Variants in ZMIZ1 observed in about 807,000 individuals in gnomAD.
The protein encoded by ZMIZ1 is zinc finger MIZ-type containing 1.
In ZMIZ1, 17 loss-of-function variants were observed where a neutral mutation model predicts 113.9. That is an observed-to-expected ratio of 0.15 (90% CI 0.10 to 0.22). The LOEUF (loss-of-function observed/expected upper bound fraction) is 0.22. Among genes scored for constraint, ZMIZ1 ranks in the 10% least tolerant of loss-of-function variants. ZMIZ1 has a pLI of 1.00. For synonymous variants in ZMIZ1, 607 were observed against 603.1 expected (o/e 1.01, Z -0.09); for missense variants, 1,059 against 1,477.8 (o/e 0.72, Z 4.65).
chr10:79,197,611 T>TACACACACACACACACACACACAC lies in ZMIZ1; in HGVS notation c.-49-3964_-49-3941dup, dbSNP rs71482719. Among the ~76,000 whole-genome samples, 5 of 89,984 alleles carry TACACACACACACACACACACACAC rather than the reference T, an allele frequency of 5.6e-5. No individual in the cohort carries two copies. In the East Asian group the frequency reaches 8.5e-4, roughly 15 times the overall value. 59.0% of individuals were successfully genotyped at this position (89,984 alleles called of 152,430 possible). Reference sequence around the variant, plus strand: ...CCCAGACCATACACACACACACACATACACACACACACACACACACACACA... The same window carrying TACACACACACACACACACACACAC: ...CCCAGACCATACACACACACACACATACACACACACACACACACACACACACACACACACACACACACACACACA... On this transcript the variant is annotated intron_variant, in intron 4 of 24. Transcript: ENST00000334512.
intron 4 of ZMIZ1, among the ~76,000 whole-genome samples, chr10:79,181,623 G>A (rs1847125761): frequency 6.6e-6 from 1 of 152,218 alleles, no homozygotes; most frequent in Admixed American, 6.5e-5. Context: ...ACCGTGGGCA[G>A]TGCTCACCTT....
intron 1 of ZMIZ1, among the ~76,000 whole-genome samples, chr10:79,115,647 T>TG (rs1322843146): frequency 2.0e-5 from 3 of 152,194 alleles, no homozygotes; most frequent in Admixed American, 6.5e-5. Context: ...TAGATGACAC[T>TG]GGGGGGAACT....
chr10:79,302,055 G>A (rs1854339810), intron 17 of ZMIZ1, 52 bp from the exon 18 acceptor site: 1 of 1,584,502 alleles, frequency 6.3e-7, no homozygotes, highest in South Asian at 1.1e-5. Flanking sequence ...TGCAGGCAGG[G>A]CGGGGTGTGG....
chr10:79,097,461 G>T (rs1034935975), intron 1 of ZMIZ1, among the ~76,000 whole-genome samples: 4 of 152,218 alleles, frequency 2.6e-5, no homozygotes, highest in Non-Finnish European at 4.4e-5. Flanking sequence ...GTCAGCCCTG[G>T]CCCTGCAACC....
At chr10:79,127,246 T>C (rs1844555803) in intron 2 of ZMIZ1, among the ~76,000 whole-genome samples, 1 of 152,102 alleles carries the variant, frequency 6.6e-6, no homozygotes, top group Non-Finnish European at 1.5e-5. Context: ...CAGGTGTGGC[T>C]CCTCCCCATA....
At chr10:79,289,704 G>A (rs1853336185) in intron 8 of ZMIZ1, 71 bp from the exon 9 acceptor site, 2 of 1,420,540 alleles carry the variant, frequency 1.4e-6, no homozygotes, top group Non-Finnish European at 2.0e-6. Context: ...ACTTGGTGGG[G>A]TGATGGGCAT....
chr10:79,214,505 C>T (rs72818212), intron 6 of ZMIZ1, among the ~76,000 whole-genome samples: 38,924 of 152,102 alleles, frequency 0.26, 5,491 homozygotes, highest in South Asian at 0.36. Flanking sequence ...TCTGAGTCTC[C>T]AGTGTTGTTT....
chr10:79,228,071 G>A (rs1849261119), intron 7 of ZMIZ1, among the ~76,000 whole-genome samples: 1 of 152,172 alleles, frequency 6.6e-6, no homozygotes. Context: ...AAACCTTGAG[G>A]GCTTCTGTCT....
rs367981497 is a variant in ZMIZ1, at chr10:79,300,508, GA to G, written c.1809-222del. Among the ~76,000 whole-genome samples the G allele has an allele frequency of 3.7e-3, 568 of 152,270 alleles. 1 individual carries two copies. Among genetic ancestry groups the G allele is most frequent in the African/African-American group, 0.013 (546 of 41,530 alleles). On this transcript the variant is annotated intron_variant, in intron 16 of 24. Coordinates refer to ENST00000334512, the MANE Select transcript of ZMIZ1 (RefSeq NM_020338.4). ...GAGCTAGAGCTGTGGGGTGTGATGG[GA>G]ATGATTGGTGTGCGGGGGTCTTGGG...
At chr10:79,208,288 C>T in intron 5 of ZMIZ1, 48 bp from the exon 6 acceptor site, 1 of 1,560,572 alleles carries the variant, frequency 6.4e-7, no homozygotes. Flanking sequence ...GCTGCCTGTG[C>T]TACCCTCACT....
At chr10:79,103,410 G>A (rs1007529380) in intron 1 of ZMIZ1, among the ~76,000 whole-genome samples, 1 of 152,216 alleles carries the variant, frequency 6.6e-6, no homozygotes, top group Non-Finnish European at 1.5e-5. Context: ...AGGAGCTGGC[G>A]AGGAGTGGGC....
At chr10:79,269,779 G>A (rs1463055567) in intron 7 of ZMIZ1, among the ~76,000 whole-genome samples, 6 of 152,154 alleles carry the variant, frequency 3.9e-5, no homozygotes, top group Non-Finnish European at 7.4e-5. Context: ...CATCAGGAGC[G>A]CCTCTTTCCC....
chr10:79,203,208 A>G (rs1174731728), intron 5 of ZMIZ1, among the ~76,000 whole-genome samples: 1 of 152,180 alleles, frequency 6.6e-6, no homozygotes, highest in African/African-American at 2.4e-5. Flanking sequence ...AGCCTCCCCA[A>G]GGTGCCTGCC....
intron 7 of ZMIZ1, among the ~76,000 whole-genome samples, chr10:79,246,255 C>T (rs887969563): frequency 2.6e-5 from 4 of 152,236 alleles, no homozygotes; most frequent in Admixed American, 2.0e-4. Flanking sequence ...GAGTGGGCAG[C>T]GGTCCCAGGA....
intron 5 of ZMIZ1, among the ~76,000 whole-genome samples, chr10:79,202,152 G>A (rs567187046): frequency 3.4e-5 from 4 of 117,158 alleles, no homozygotes; most frequent in Admixed American, 1.1e-4. Flanking sequence ...AAGATTGTTC[G>A]AGCCCAGCCT....
chr10:79,227,900 A>G (rs752934162), intron 7 of ZMIZ1, among the ~76,000 whole-genome samples: 2 of 152,186 alleles, frequency 1.3e-5, no homozygotes, highest in Admixed American at 6.5e-5. Context: ...AAAGAATCTG[A>G]GCCACTGTGC....
intron 3 of ZMIZ1, among the ~76,000 whole-genome samples, chr10:79,158,310 C>T (rs1845981050): frequency 2.6e-5 from 4 of 152,204 alleles, no homozygotes; most frequent in African/African-American, 9.7e-5. Context: ...CCCAGCACAG[C>T]ACCCAGGGCC....
intron 3 of ZMIZ1, among the ~76,000 whole-genome samples, chr10:79,159,240 G>A (rs1047463949): frequency 5.3e-5 from 8 of 152,188 alleles, no homozygotes; most frequent in Admixed American, 5.2e-4. Flanking sequence ...GGGAGCAAAC[G>A]GGGCTACACC....
In ZMIZ1 at chr10:79,091,472, C is replaced by T. The variant is rs188152630; in HGVS notation, c.-337+22202C>T. Among the ~76,000 whole-genome samples the T allele has an allele frequency of 9.2e-5, 14 of 152,314 alleles. No individual in the cohort carries two copies. The East Asian group carries it at 2.1e-3, about 23-fold the overall frequency. ...GTTTCACAGTCTGCATTGGAAACAA[C>T]CTTGGCTACTCAGCAGAATAGCTGC... On this transcript the variant is annotated intron_variant, in intron 1 of 24. Transcript: ENST00000334512.
Sources: allele counts gnomAD v4.1 joint callset (sites outside exome capture counted in the v4.1 genomes callset), GRCh38; gene constraint gnomAD v4.1.1; transcripts MANE v1.5; gene names NCBI Gene and HGNC (gene_info 2026-07-23, HGNC 2026-07-21).